CMTM7: variants seen among roughly 807,000 people sequenced by gnomAD.
The protein encoded by CMTM7 is CKLF-like MARVEL transmembrane domain-containing protein 7.
A neutral mutation model predicts 19.3 loss-of-function variants in CMTM7; 7 were observed. That is an observed-to-expected ratio of 0.36 (90% CI 0.21 to 0.68). The LOEUF (loss-of-function observed/expected upper bound fraction) is 0.68. Among genes scored for constraint, CMTM7 ranks in the 30% least tolerant of loss-of-function variants. CMTM7 has a pLI of 0.60. For synonymous variants in CMTM7, 87 were observed against 99.3 expected, an observed-to-expected ratio of 0.88 and a Z score of 0.74; for missense variants, 193 against 232.6, an observed-to-expected ratio of 0.83 and a Z score of 1.11.
rs375912380 is a variant in CMTM7 at position 32,449,551 on chromosome 3, C to T, written c.431C>T (p.Ala144Val). Residue 144 changes from alanine (A) to valine (V), a missense_variant and splice_region_variant, in exon 3 of 5, where the codon GCG (alanine) becomes GTG (valine). Physicochemically the swap from Ala to Val is moderately conservative, Grantham distance 64. Coordinates refer to ENST00000334983, the MANE Select transcript of CMTM7 (RefSeq NM_138410.4). This position sits in a 1 kb window ranked among gnomAD's most constrained non-coding sequence, Gnocchi z 4.5. ...AACCAGAGCGGACTGGTAGCCGGAG[C>T]GGTGAGGATGTTTTGGGGAGCCTTT... ...SYNQSGLVAG[A>V]IFGFMATFLC... 1.4e-5 allele frequency: 23 copies of T among 1,610,858 alleles called. No homozygotes were observed. Among genetic ancestry groups the T allele is most frequent in the African/African-American group, 1.3e-4 (10 of 74,804 alleles).
At chr3:32,452,671 C>G (rs1466600003) in intron 4 of CMTM7, among the ~76,000 whole-genome samples, 198 bp downstream of exon 4, 1 of 152,152 alleles carries the variant, frequency 6.6e-6, no homozygotes, top group East Asian at 1.9e-4. Context: ...CATCTCCACA[C>G]ATCCAAGGAT....
intron 1 of CMTM7, among the ~76,000 whole-genome samples, chr3:32,401,925 C>T (rs751800145): frequency 6.6e-6 from 1 of 152,196 alleles, no homozygotes. Flanking sequence ...GGGCGGAAAT[C>T]GCGAGCAGAG....
chr3:32,441,862 T>C lies in CMTM7; in HGVS notation c.182T>C (p.Ile61Thr), dbSNP rs762960087. Residue 61 changes from isoleucine (I) to threonine (T), a missense_variant, in exon 2 of 5, where the codon ATC becomes ACC. Ile to Thr is a moderately conservative substitution (Grantham distance 89). Coordinates refer to ENST00000334983, the MANE Select transcript of CMTM7 (RefSeq NM_138410.4). The stretch of plus-strand genomic sequence containing the variant: ...CAGGTCACCCTGCTGATTGCCTTCA[T>C]CTGTGTGCGGAGCTCCCTGTGGACC... The part of the protein sequence containing the change: ...AQMVTLLIAF[I>T]CVRSSLWTNY... 1 of 1,614,198 alleles carries C rather than the reference T, an allele frequency of 6.2e-7. No homozygotes were observed. The highest frequency in any genetic ancestry group is 1.1e-5 in the South Asian group (1 of 91,086).
rs1236270138 is a variant in CMTM7 at position 32,430,748 on chromosome 3, G to A, written c.160-11092G>A. Among the ~76,000 whole-genome samples, 6 of 136,704 alleles carry A rather than the reference G, an allele frequency of 4.4e-5. 1 individual carries two copies. The highest frequency in any genetic ancestry group is 9.6e-5 in the Non-Finnish European group (6 of 62,812). The allele number at this position is 136,704 out of a possible 152,430, so 89.7% of individuals were successfully genotyped here. A position where few individuals can be genotyped will look rare whatever the true frequency, so the allele number is the denominator to read the frequency against. ...TCTCCTGATGACCCTTTGCTTCTGA[G>A]TGTAAAGCCCCTACTTGTTTCAGGA... On this transcript the variant is annotated intron_variant, in intron 1 of 4. Coordinates refer to ENST00000334983, the MANE Select transcript of CMTM7 (RefSeq NM_138410.4).
chr3:32,402,542 T>G (rs1430130663), intron 1 of CMTM7, among the ~76,000 whole-genome samples: 2 of 152,210 alleles, frequency 1.3e-5, no homozygotes, highest in African/African-American at 4.8e-5. Flanking sequence ...TTTGTTTTAT[T>G]TTATTCTATT....
intron 1 of CMTM7, among the ~76,000 whole-genome samples, chr3:32,435,078 C>T (rs571947766): frequency 1.4e-4 from 22 of 152,310 alleles, no homozygotes; most frequent in Admixed American, 1.1e-3. Context: ...TGCTTTCACT[C>T]AGTAATTTCA....
At chr3:32,439,996 A>G (rs1049091116) in intron 1 of CMTM7, among the ~76,000 whole-genome samples, 14 of 152,148 alleles carry the variant, frequency 9.2e-5, no homozygotes, top group African/African-American at 3.4e-4. Context: ...ATATACACAC[A>G]TTGCCAAATG....
intron 1 of CMTM7, among the ~76,000 whole-genome samples, chr3:32,424,449 C>T (rs1019497500): frequency 6.6e-6 from 1 of 152,124 alleles, no homozygotes; most frequent in African/African-American, 2.4e-5. Flanking sequence ...CAAGGTTCTG[C>T]AAGAGCATAT....
intron 2 of CMTM7, among the ~76,000 whole-genome samples, chr3:32,442,498 CAAAAAAAAAAAAAAAA>C (rs59568281): frequency 1.2e-5 from 1 of 80,048 alleles, no homozygotes; most frequent in East Asian, 4.8e-4. Flanking sequence ...AGACTCCTCT[CAAAAAAAAAAAAAAAA>C]AAAAAAAAAA....
intron 1 of CMTM7, among the ~76,000 whole-genome samples, chr3:32,412,455 C>T (rs1696190800): frequency 6.7e-6 from 1 of 149,782 alleles, no homozygotes; most frequent in Non-Finnish European, 1.5e-5. Flanking sequence ...CCACTGCACT[C>T]CAGCCTGGGC....
chr3:32,426,346 A>G (rs1696432955), intron 1 of CMTM7, among the ~76,000 whole-genome samples: 1 of 152,178 alleles, frequency 6.6e-6, no homozygotes, highest in South Asian at 2.1e-4. Context: ...TATGTCATGA[A>G]TATTTTCCCA....
At chr3:32,448,486 C>A (rs1453046442) in intron 2 of CMTM7, among the ~76,000 whole-genome samples, 11 of 152,212 alleles carry the variant, frequency 7.2e-5, no homozygotes, top group Admixed American at 5.2e-4. Context: ...AAAATGGATG[C>A]ACCCTGGATT....
chr3:32,416,853 A>G (rs139807285), intron 1 of CMTM7, among the ~76,000 whole-genome samples: 138 of 152,314 alleles, frequency 9.1e-4, no homozygotes, highest in African/African-American at 2.9e-3. Context: ...TTTCTATGGA[A>G]ATGAAGTGAA....
Position 32,441,866 on chromosome 3 carries a change from T to C in CMTM7, c.186T>C (p.Cys62=), listed in dbSNP as rs17029526. Residue 62 remains cysteine (C), a synonymous_variant, in exon 2 of 5, where the codon TGT becomes TGC. Transcript: ENST00000334983. ...QMVTLLIAFI[C]VRSSLWTNYS... ...TCACCCTGCTGATTGCCTTCATCTGTGTGCGGAGCTCCCTGTGGACCAACT... is the reference window on the plus strand; with the variant it reads ...TCACCCTGCTGATTGCCTTCATCTGCGTGCGGAGCTCCCTGTGGACCAACT... The C allele has an allele frequency of 3.7e-3, 5,960 of 1,614,208 alleles. 180 individuals carry two copies. The African/African-American group carries it at 0.064, about 17-fold the overall frequency.
intron 1 of CMTM7, among the ~76,000 whole-genome samples, chr3:32,413,082 A>G (rs191918015): frequency 7.2e-4 from 110 of 152,342 alleles, no homozygotes; most frequent in Non-Finnish European, 1.2e-3. Flanking sequence ...ATAAAGTTGT[A>G]TTGGAACACA....
chr3:32,396,509 A>AAAC (rs899721361), intron 1 of CMTM7, among the ~76,000 whole-genome samples: 5 of 152,142 alleles, frequency 3.3e-5, no homozygotes, highest in Admixed American at 2.0e-4. Flanking sequence ...TCCGTCACAA[A>AAAC]AACAACAACA....
At position 32,454,524 on chromosome 3, in the gene CMTM7, G is replaced by A. The variant is rs1229119473; in HGVS notation, c.*270G>A. 3 of 674,104 alleles carry A rather than the reference G, an allele frequency of 4.5e-6. No homozygotes were observed. The highest frequency in any genetic ancestry group is 1.8e-5 in the African/African-American group (1 of 56,662). 41.8% of individuals were successfully genotyped at this position (674,104 alleles called of 1,614,324 possible). On this transcript the variant is annotated 3_prime_UTR_variant, in exon 5 of 5. Transcript: ENST00000334983. ...CCAGGGAAATGTTTTCTGCCTTCCT[G>A]CTTCTAGAACCACCTCAGGTACTGA... is the stretch of plus-strand genomic sequence containing the variant.
chr3:32,434,120 C>T (rs1316884877), intron 1 of CMTM7, among the ~76,000 whole-genome samples: 3 of 151,944 alleles, frequency 2.0e-5, no homozygotes, highest in Admixed American at 6.6e-5. Context: ...ACCTGGGAGG[C>T]AGAGGTTGCA....
intron 1 of CMTM7, among the ~76,000 whole-genome samples, chr3:32,422,155 A>G (rs1696353856): frequency 6.6e-6 from 1 of 152,226 alleles, no homozygotes; most frequent in Non-Finnish European, 1.5e-5. Flanking sequence ...GTTCTCAACA[A>G]TAGTGATTTT....
Sources: gnomAD v4.1 joint callset for allele counts (sites outside exome capture counted in the v4.1 genomes callset) on GRCh38, gnomAD v4.1.1 for gene constraint, Gnocchi (gnomAD v3.1) non-coding constraint, MANE v1.5 for transcripts, NCBI Gene and HGNC (gene_info 2026-07-23, HGNC 2026-07-21) for gene names.